Variants in WWOX observed in about 807,000 individuals in gnomAD.
WWOX encodes the protein WW domain-containing oxidoreductase.
Under a neutral mutation model 46.2 loss-of-function variants are expected in WWOX, and 69 were observed. That is an observed-to-expected ratio of 1.49 (90% CI 1.23 to 1.82). The LOEUF is 1.82. Among genes scored for constraint, WWOX ranks in the 40% most tolerant of loss-of-function variants. WWOX has a pLI of 0.00. For missense variants in WWOX, 919 were observed against 542.6 expected, an observed-to-expected ratio of 1.69 and a Z score of -6.89; for synonymous variants, 359 against 202.6, an observed-to-expected ratio of 1.77 and a Z score of -6.56.
intron 4 of WWOX, among the ~76,000 whole-genome samples, chr16:78,134,820 G>A (rs1383876829): frequency 1.5e-4 from 23 of 152,192 alleles, no homozygotes; most frequent in Admixed American, 1.5e-3. Flanking sequence ...CTCCATGTTA[G>A]ATGTGAAAAG....
intron 4 of WWOX, among the ~76,000 whole-genome samples, chr16:78,121,119 C>T (rs77474513): frequency 1.3e-3 from 203 of 152,184 alleles, no homozygotes; most frequent in African/African-American, 4.7e-3. Flanking sequence ...GATTAGTTTC[C>T]TTTCTGATTG....
At chr16:79,026,233 C>A (rs556993123) in intron 8 of WWOX, among the ~76,000 whole-genome samples, 1 of 151,874 alleles carries the variant, frequency 6.6e-6, no homozygotes, top group South Asian at 2.1e-4. Context: ...CCTGTTGACA[C>A]TTCCCTTCTC....
At chr16:78,686,664 G>T (rs2047868413) in intron 8 of WWOX, among the ~76,000 whole-genome samples, 1 of 152,156 alleles carries the variant, frequency 6.6e-6, no homozygotes, top group African/African-American at 2.4e-5. Flanking sequence ...TCCAGTTTGA[G>T]AACCAATGAT....
At chr16:79,104,048 G>A (rs865933424) in intron 8 of WWOX, among the ~76,000 whole-genome samples, 1 of 102,016 alleles carries the variant, frequency 9.8e-6, no homozygotes, top group Non-Finnish European at 2.0e-5. Context: ...GGGGGGGGGG[G>A]GGCGGGTGGT....
chr16:78,596,226 G>C (rs939471707), intron 8 of WWOX, among the ~76,000 whole-genome samples: 1 of 152,142 alleles, frequency 6.6e-6, no homozygotes, highest in Non-Finnish European at 1.5e-5. Flanking sequence ...TGTATGGTTG[G>C]ATACTTTGGG....
At chr16:79,060,640 A>C (rs1225525807) in intron 8 of WWOX, among the ~76,000 whole-genome samples, 1 of 152,194 alleles carries the variant, frequency 6.6e-6, no homozygotes, top group African/African-American at 2.4e-5. Flanking sequence ...CTTGAAGAGT[A>C]TTTTCTAGTC....
At chr16:78,472,699 C>CT (rs1350650442) in intron 8 of WWOX, among the ~76,000 whole-genome samples, 1 of 148,242 alleles carries the variant, frequency 6.7e-6, no homozygotes, top group African/African-American at 2.5e-5. Flanking sequence ...GTCCCAGCTA[C>CT]TTGGGAGGCT....
chr16:78,925,277 G>A (rs996340759), intron 8 of WWOX, among the ~76,000 whole-genome samples: 1 of 152,186 alleles, frequency 6.6e-6, no homozygotes, highest in African/African-American at 2.4e-5. Flanking sequence ...GCTGCCACTG[G>A]GTGGCAGCAT....
chr16:78,756,874 A>G, intron 8 of WWOX: 1 of 702,440 alleles, frequency 1.4e-6, no homozygotes, highest in East Asian at 2.7e-5. Flanking sequence ...AGAGCATGTG[A>G]CTTACGAGGC....
chr16:79,120,234 A>G (rs778753456), intron 8 of WWOX, among the ~76,000 whole-genome samples: 1 of 151,982 alleles, frequency 6.6e-6, no homozygotes. Context: ...CTGATTGGCC[A>G]CTCCCAGATT....
chr16:78,140,426 C>T (rs979251033), intron 4 of WWOX, among the ~76,000 whole-genome samples: 4 of 152,088 alleles, frequency 2.6e-5, no homozygotes, highest in African/African-American at 7.2e-5. Flanking sequence ...CTTGGGACAA[C>T]AGAAATTTAT....
At chr16:78,581,437 T>C (rs1426436259) in intron 8 of WWOX, among the ~76,000 whole-genome samples, 2 of 152,344 alleles carry the variant, frequency 1.3e-5, no homozygotes, top group Admixed American at 1.3e-4. Context: ...GGTTTTATTT[T>C]AATTGAGTTT....
chr16:78,804,976 T>C (rs542231424), intron 8 of WWOX, among the ~76,000 whole-genome samples: 36 of 152,352 alleles, frequency 2.4e-4, no homozygotes, highest in African/African-American at 8.2e-4. Context: ...TTTCCATTGA[T>C]ATTTGGGAAG....
At chr16:78,600,521 G>C (rs989166212) in intron 8 of WWOX, among the ~76,000 whole-genome samples, 1 of 152,152 alleles carries the variant, frequency 6.6e-6, no homozygotes, top group Non-Finnish European at 1.5e-5. Context: ...TTTACAGAAT[G>C]AAAGATGAGG....
At chr16:78,615,805 C>T (rs929806865) in intron 8 of WWOX, among the ~76,000 whole-genome samples, 3 of 150,634 alleles carry the variant, frequency 2.0e-5, no homozygotes, top group African/African-American at 7.3e-5. Context: ...GGCTGGAGTG[C>T]AGTGGCACAG....
chr16:79,053,796 T>G (rs1254731312), intron 8 of WWOX, among the ~76,000 whole-genome samples: 3 of 152,148 alleles, frequency 2.0e-5, no homozygotes, highest in Non-Finnish European at 4.4e-5. Flanking sequence ...TCCTGGAGCC[T>G]CTGACTTGCA....
chr16:78,772,416 C>G (rs576612938), intron 8 of WWOX, among the ~76,000 whole-genome samples: 4 of 152,272 alleles, frequency 2.6e-5, no homozygotes, highest in South Asian at 2.1e-4. Flanking sequence ...TGTATATTCA[C>G]TACTTTTTTT....
intron 5 of WWOX, among the ~76,000 whole-genome samples, chr16:78,365,414 G>C (rs1567527508): frequency 6.6e-6 from 1 of 152,268 alleles, no homozygotes; most frequent in Middle Eastern, 3.4e-3. Context: ...GTGCTTGCTA[G>C]GGTTCTTGGC....
intron 8 of WWOX, among the ~76,000 whole-genome samples, chr16:78,519,483 T>C (rs1482446652): frequency 2.0e-5 from 3 of 151,288 alleles, no homozygotes; most frequent in Non-Finnish European, 2.9e-5. Flanking sequence ...ATATTATACA[T>C]CTATGAAATA....
Sources: gnomAD v4.1 joint callset for allele counts (sites outside exome capture counted in the v4.1 genomes callset) on GRCh38, gnomAD v4.1.1 for gene constraint, MANE v1.5 for transcripts, NCBI Gene and HGNC (gene_info 2026-07-23, HGNC 2026-07-21) for gene names.